Variants in PRKN observed in about 807,000 individuals in gnomAD.
PRKN encodes the protein E3 ubiquitin-protein ligase parkin.
PRKN carries 56 observed loss-of-function variants against 59.5 expected under a neutral mutation model. The observed-to-expected ratio is 0.94, with a 90% CI of 0.76 to 1.18. PRKN has a LOEUF of 1.18. PRKN is among the 50% of genes most tolerant of loss of function. The probability of loss-of-function intolerance (pLI) is 0.00; values close to 1 mark genes in which losing one functional copy is unlikely to be tolerated. For missense variants in PRKN, 657 were observed against 596.4 expected (o/e 1.10, Z -1.06); for synonymous variants, 250 against 222.1 (o/e 1.13, Z -1.12).
intron 7 of PRKN, among the ~76,000 whole-genome samples, chr6:161,624,731 C>T (rs989611343): frequency 2.6e-5 from 4 of 152,228 alleles, no homozygotes; most frequent in Admixed American, 6.5e-5. Context: ...TGCAGATGGA[C>T]ACACACATTC....
chr6:162,647,356 C>T (rs541060067), intron 1 of PRKN, among the ~76,000 whole-genome samples: 13 of 151,984 alleles, frequency 8.6e-5, no homozygotes, highest in African/African-American at 2.9e-4. Context: ...GGAGAAAAAA[C>T]ATATTAGGTC....
chr6:161,633,663 G>A (rs1783399749), intron 7 of PRKN, among the ~76,000 whole-genome samples: 1 of 152,212 alleles, frequency 6.6e-6, no homozygotes, highest in Non-Finnish European at 1.5e-5. Flanking sequence ...GCTCTCCTCT[G>A]TTGCCCATGA....
intron 6 of PRKN, among the ~76,000 whole-genome samples, chr6:161,896,412 C>G (rs934187866): frequency 7.9e-5 from 12 of 152,282 alleles, no homozygotes; most frequent in African/African-American, 2.9e-4. Flanking sequence ...ATGTGTCTAT[C>G]TCCCATCAAC....
At chr6:162,081,661 C>T (rs148384843) in intron 4 of PRKN, among the ~76,000 whole-genome samples, 131 of 152,174 alleles carry the variant, frequency 8.6e-4, no homozygotes, top group Non-Finnish European at 1.6e-3. Flanking sequence ...CTAGGATTTT[C>T]AAAATGGTAA....
chr6:162,512,753 T>C (rs1242340558), intron 1 of PRKN, among the ~76,000 whole-genome samples: 2 of 152,210 alleles, frequency 1.3e-5, no homozygotes, highest in Non-Finnish European at 1.5e-5. Flanking sequence ...AATTCCTAGC[T>C]ACACTTTATT....
At chr6:161,768,331 T>C (rs1789517256) in intron 7 of PRKN, among the ~76,000 whole-genome samples, 1 of 152,210 alleles carries the variant, frequency 6.6e-6, no homozygotes, top group Non-Finnish European at 1.5e-5. Flanking sequence ...ATTACATGCG[T>C]GTGTACATTT....
At chr6:161,776,087 T>A (rs1474802495) in intron 7 of PRKN, among the ~76,000 whole-genome samples, 1 of 152,234 alleles carries the variant, frequency 6.6e-6, no homozygotes, top group African/African-American at 2.4e-5. Flanking sequence ...CCTCAGCCCC[T>A]AGAGCAACAG....
intron 7 of PRKN, among the ~76,000 whole-genome samples, chr6:161,683,135 G>A (rs1421576324): frequency 2.0e-5 from 3 of 152,174 alleles, no homozygotes; most frequent in African/African-American, 7.2e-5. Flanking sequence ...ATCTGACATC[G>A]TAGTAGAGCA....
At chr6:162,097,541 G>C (rs1402931878) in intron 4 of PRKN, among the ~76,000 whole-genome samples, 1 of 152,158 alleles carries the variant, frequency 6.6e-6, no homozygotes, top group East Asian at 1.9e-4. Flanking sequence ...AATAAATTTT[G>C]CCTGCTGAAT....
At chr6:161,629,355 C>T (rs934876920) in intron 7 of PRKN, among the ~76,000 whole-genome samples, 1 of 152,052 alleles carries the variant, frequency 6.6e-6, no homozygotes. Context: ...GGTTAGGGTG[C>T]AGTCAGGAGC....
chr6:162,263,554 C>T lies in PRKN; in HGVS notation c.172-789G>A, dbSNP rs79268454. ...AAGGTTTTGCATCTACATATTGACA[C>T]GTAGGAACAGAAGACTTTAACATTT... On this transcript the variant is annotated intron_variant, in intron 2 of 11. Coordinates refer to ENST00000366898, the MANE Select transcript of PRKN (RefSeq NM_004562.3). Among the ~76,000 whole-genome samples the T allele has an allele frequency of 2.5e-3, 376 of 152,166 alleles. 1 individual carries two copies. The highest frequency in any genetic ancestry group is 4.5e-3 in the Non-Finnish European group (305 of 67,996).
At chr6:161,374,273 G>T (rs1785558251) in intron 10 of PRKN, among the ~76,000 whole-genome samples, 1 of 151,592 alleles carries the variant, frequency 6.6e-6, no homozygotes, top group South Asian at 2.1e-4. Context: ...CAGTGTGTGT[G>T]GTGTGTATGT....
chr6:161,604,943 G>C (rs1385875849), intron 7 of PRKN, among the ~76,000 whole-genome samples: 1 of 151,958 alleles, frequency 6.6e-6, no homozygotes, highest in Non-Finnish European at 1.5e-5. Context: ...CCAAAAAAGA[G>C]AGAAATCTGA....
chr6:161,367,216 T>G (rs945694089), intron 10 of PRKN, among the ~76,000 whole-genome samples: 2 of 151,698 alleles, frequency 1.3e-5, no homozygotes, highest in African/African-American at 4.8e-5. Flanking sequence ...CTCCTGACCT[T>G]GTGATCCACC....
At chr6:162,384,875 T>C (rs1007896327) in intron 2 of PRKN, among the ~76,000 whole-genome samples, 10 of 152,094 alleles carry the variant, frequency 6.6e-5, no homozygotes, top group African/African-American at 2.4e-4. Flanking sequence ...TAAGTAGGCA[T>C]CAGAGGCAGC....
At chr6:161,910,395 C>T (rs1778313106) in intron 6 of PRKN, among the ~76,000 whole-genome samples, 1 of 152,064 alleles carries the variant, frequency 6.6e-6, no homozygotes, top group Non-Finnish European at 1.5e-5. Context: ...GCTGGGATTA[C>T]AGGCACCTGC....
chr6:161,724,852 CA>C (rs1787373243), intron 7 of PRKN, among the ~76,000 whole-genome samples: 1 of 152,094 alleles, frequency 6.6e-6, no homozygotes, highest in African/African-American at 2.4e-5. Flanking sequence ...TTGTAATCCC[CA>C]ATGCTGGAGA....
At chr6:161,721,319 T>C (rs930657215) in intron 7 of PRKN, among the ~76,000 whole-genome samples, 14 of 152,186 alleles carry the variant, frequency 9.2e-5, no homozygotes, top group African/African-American at 3.1e-4. Context: ...GCATTTTTAT[T>C]TCAAAATTCA....
chr6:161,700,873 C>T (rs1471791443), intron 7 of PRKN, among the ~76,000 whole-genome samples: 2 of 152,078 alleles, frequency 1.3e-5, no homozygotes, highest in Non-Finnish European at 2.9e-5. Flanking sequence ...TTTGGGACCC[C>T]CAAAAGGAAT....
Sources: allele counts gnomAD v4.1 joint callset (sites outside exome capture counted in the v4.1 genomes callset), GRCh38; gene constraint gnomAD v4.1.1; transcripts MANE v1.5; gene names NCBI Gene and HGNC (gene_info 2026-07-23, HGNC 2026-07-21).